MATR3: variants seen among roughly 807,000 people sequenced by gnomAD.
The protein encoded by MATR3 is matrin 3.
In MATR3, 4 loss-of-function variants were observed where a neutral mutation model predicts 85.5. The observed-to-expected ratio is 0.05, with a 90% CI of 0.02 to 0.11. MATR3 has a LOEUF of 0.11. MATR3 is among the 10% of genes least tolerant of loss of function. MATR3 has a pLI of 1.00. For synonymous variants in MATR3, 336 were observed against 343.1 expected, an observed-to-expected ratio of 0.98 and a Z score of 0.23; for missense variants, 685 against 1,016.1, an observed-to-expected ratio of 0.67 and a Z score of 4.43.
At position 139,330,743 on chromosome 5, in the gene MATR3, C is replaced by G. The variant is rs1561949317; in HGVS notation, c.*1348C>G. On this transcript the variant is annotated 3_prime_UTR_variant, in exon 15 of 15. Transcript: ENST00000394805. ...GGATGAGCAAGAATTAGTTCTGCAG[C>G]TTTTCAAAATAATTACGTAGAGACT... The G allele has an allele frequency of 2.2e-6, 1 of 454,078 alleles. No individual in the cohort carries two copies. 28.1% of individuals were successfully genotyped at this position (454,078 alleles called of 1,614,324 possible).
exon 3 of MATR3, chr5:139,279,062 T>TGAATGACA (rs1157790260): frequency 2.1e-6 from 1 of 466,414 alleles, no homozygotes; most frequent in South Asian, 1.5e-5. Context: ...TGCCTTCACC[T>TGAATGACA]GAATGACATC....
intron 1 of MATR3, 128 bp downstream of exon 1, chr5:139,293,933 C>G: frequency 8.1e-7 from 1 of 1,230,298 alleles, no homozygotes. Flanking sequence ...CGCTCCCGCT[C>G]TGCCTCCCTC....
chr5:139,289,424 T>A (rs905071728), upstream of MATR3, among the ~76,000 whole-genome samples: 2 of 152,200 alleles, frequency 1.3e-5, no homozygotes, highest in African/African-American at 4.8e-5. Context: ...CATCTCTAAA[T>A]ATATACCCTG....
chr5:139,286,275 A>C (rs1330935318), intron 3 of MATR3, among the ~76,000 whole-genome samples: 1 of 152,114 alleles, frequency 6.6e-6, no homozygotes, highest in Non-Finnish European at 1.5e-5. Flanking sequence ...TGCTGCAGAC[A>C]GCATAACATT....
At chr5:139,303,149 T>C (rs997552119) in intron 1 of MATR3, among the ~76,000 whole-genome samples, 1 of 152,206 alleles carries the variant, frequency 6.6e-6, no homozygotes, top group African/African-American at 2.4e-5. Flanking sequence ...TGGCCCAGGC[T>C]GGAGTGCAGT....
At chr5:139,284,725 T>C (rs1753648074) in intron 3 of MATR3, among the ~76,000 whole-genome samples, 1 of 152,248 alleles carries the variant, frequency 6.6e-6, no homozygotes, top group African/African-American at 2.4e-5. Context: ...TAAATATCTT[T>C]ATATTTGAGA....
chr5:139,322,456 CTT>C lies in MATR3; in HGVS notation c.1735-4_1735-3del, dbSNP rs1394413130. On this transcript the variant is annotated splice_polypyrimidine_tract_variant and splice_region_variant and intron_variant, in intron 10 of 14. Transcript: ENST00000394805. ...GTGTTAACTTCTGCAAAACTTTTGT[CTT>C]TTAGATTCCAAACAGAGGCATTGAT... is the stretch of plus-strand genomic sequence containing the variant. 3 of 1,596,814 alleles carry C rather than the reference CTT, an allele frequency of 1.9e-6. No individual in the cohort carries two copies. The highest frequency in any genetic ancestry group is 1.3e-5 in the African/African-American group (1 of 74,824).
intron 5 of MATR3, among the ~76,000 whole-genome samples, chr5:139,316,583 C>T (rs540330810): frequency 1.5e-3 from 235 of 152,010 alleles, no homozygotes; most frequent in African/African-American, 5.4e-3. Context: ...ATTCTCACTC[C>T]GTCACTCAGG....
chr5:139,318,168 C>T (rs146440057), intron 7 of MATR3, among the ~76,000 whole-genome samples: 1 of 152,204 alleles, frequency 6.6e-6, no homozygotes, highest in African/African-American at 2.4e-5. Flanking sequence ...GAGTCTCGCT[C>T]TGTCACCCAG....
At chr5:139,312,698 C>T (rs1352688154) in intron 2 of MATR3, 2 of 152,260 alleles carry the variant, frequency 1.3e-5, no homozygotes, top group Non-Finnish European at 2.9e-5. Context: ...CTTGCCCAGA[C>T]TGGAGTGCAA....
At chr5:139,300,587 C>A (rs1754387237) in intron 1 of MATR3, among the ~76,000 whole-genome samples, 1 of 152,168 alleles carries the variant, frequency 6.6e-6, no homozygotes, top group Non-Finnish European at 1.5e-5. Context: ...TTATGAGGAT[C>A]AGATTATACC....
chr5:139,315,470 A>T, intron 3 of MATR3: 1 of 483,322 alleles, frequency 2.1e-6, no homozygotes. Flanking sequence ...TTTCAACATT[A>T]TCTGCATTTG....
intron 3 of MATR3, chr5:139,280,800 G>C (rs373802440): frequency 6.6e-6 from 1 of 151,644 alleles, no homozygotes; most frequent in African/African-American, 2.4e-5. Flanking sequence ...TCCATGTGCA[G>C]AGACGTTCCT....
intron 9 of MATR3, 54 bp from the exon 10 acceptor site, chr5:139,321,844 A>G: frequency 6.3e-7 from 1 of 1,577,844 alleles, no homozygotes; most frequent in South Asian, 1.1e-5. Context: ...ATAAGGTTTT[A>G]TACAATTTTG....
Position 139,317,113 on chromosome 5 carries a change from A to T in MATR3, c.1182+8A>T, listed in dbSNP as rs1180667930. The T allele has an allele frequency of 2.5e-6, 4 of 1,588,212 alleles. No homozygotes were observed. In the South Asian group the frequency reaches 4.5e-5, roughly 18 times the overall value. ...ATGCAGAAAGGCAGAGTGGTCAGTA[A>T]TGAAGCTTTTGGTTTTACTGTATTT... On this transcript the variant is annotated splice_region_variant and intron_variant, in intron 6 of 14. Transcript: ENST00000394805.
chr5:139,283,663 T>G (rs1294490222), intron 3 of MATR3: 1 of 152,246 alleles, frequency 6.6e-6, no homozygotes, highest in South Asian at 2.1e-4. Context: ...GGTTTATGGC[T>G]TTTACTAACT....
chr5:139,322,138 CTATTGAAATAAGT>C, intron 10 of MATR3, 109 bp downstream of exon 10: 1 of 1,302,280 alleles, frequency 7.7e-7, no homozygotes, highest in Non-Finnish European at 1.1e-6. Flanking sequence ...TTATTGAAAC[CTATTGAAATAAGT>C]TATTGAAAGA....
At chr5:139,325,192 C>CAAAAAA in intron 12 of MATR3, 1 of 1,084,642 alleles carries the variant, frequency 9.2e-7, no homozygotes, top group South Asian at 1.9e-5. Flanking sequence ...GACTCCGTCT[C>CAAAAAA]AAAAAAAAAA....
intron 14 of MATR3, 152 bp downstream of exon 14, chr5:139,326,436 T>TA: frequency 1.3e-6 from 1 of 750,708 alleles, no homozygotes; most frequent in Non-Finnish European, 2.1e-6. Flanking sequence ...TTTTTTTTTT[T>TA]TTAAAGACAG....
Sources: allele counts gnomAD v4.1 joint callset (sites outside exome capture counted in the v4.1 genomes callset), GRCh38; gene constraint gnomAD v4.1.1; transcripts MANE v1.5; gene names NCBI Gene and HGNC (gene_info 2026-07-23, HGNC 2026-07-21).